Variants in TAFA5 observed in about 807,000 individuals in gnomAD.
TAFA5 encodes TAFA chemokine like family member 5, also known as chemokine-like protein TAFA-5.
TAFA5 carries 6 observed loss-of-function variants against 15.3 expected under a neutral mutation model. The observed-to-expected ratio is 0.39, with a 90% CI of 0.21 to 0.77. The LOEUF is 0.77. Ranked by LOEUF, TAFA5 falls within the 30% of genes least tolerant of loss-of-function variation. The pLI is 0.41. For missense variants in TAFA5, 161 were observed against 193.1 expected (o/e 0.83, Z 0.98); for synonymous variants, 103 against 80.7 (o/e 1.28, Z -1.48).
chr22:48,497,330 C>T (rs1235853361), intron 1 of TAFA5, among the ~76,000 whole-genome samples: 3 of 152,194 alleles, frequency 2.0e-5, no homozygotes, highest in Admixed American at 2.0e-4. Context: ...AGGGATGCTC[C>T]GCAGCCTCGC....
intron 2 of TAFA5, among the ~76,000 whole-genome samples, chr22:48,679,682 G>T (rs112529353): frequency 8.7e-6 from 1 of 114,674 alleles, no homozygotes; most frequent in Non-Finnish European, 1.7e-5. Flanking sequence ...CCGTCTCCCC[G>T]TCCATCCCTC....
intron 2 of TAFA5, among the ~76,000 whole-genome samples, chr22:48,670,706 C>T (rs1322716028): frequency 6.6e-6 from 1 of 152,226 alleles, no homozygotes; most frequent in Non-Finnish European, 1.5e-5. Flanking sequence ...GCCGTCTCAT[C>T]AGGATGTAGG....
chr22:48,642,046 T>C (rs1451213161), intron 1 of TAFA5, among the ~76,000 whole-genome samples: 4 of 151,188 alleles, frequency 2.6e-5, no homozygotes, highest in Admixed American at 2.6e-4. Context: ...AGCAGCATGC[T>C]GAGGGGGGCA....
chr22:48,664,986 G>A (rs1413258060), intron 2 of TAFA5, among the ~76,000 whole-genome samples: 4 of 152,134 alleles, frequency 2.6e-5, no homozygotes, highest in African/African-American at 4.8e-5. Context: ...ACCTAGCCAC[G>A]GTAGGCCCTG....
chr22:48,732,764 A>T (rs1271116205), intron 3 of TAFA5, among the ~76,000 whole-genome samples: 1 of 152,228 alleles, frequency 6.6e-6, no homozygotes, highest in East Asian at 1.9e-4. Context: ...CTTTCATGAA[A>T]GGAGAGTCAA....
intron 1 of TAFA5, chr22:48,576,585 G>A (rs1010363585): frequency 1.0e-5 from 15 of 1,448,428 alleles, no homozygotes; most frequent in East Asian, 8.7e-5. Flanking sequence ...ATTGTCCCCG[G>A]GCGCGCGGAC....
At chr22:48,630,436 C>T (rs1390992440) in intron 1 of TAFA5, among the ~76,000 whole-genome samples, 4 of 152,124 alleles carry the variant, frequency 2.6e-5, no homozygotes, top group East Asian at 1.9e-4. Flanking sequence ...GGCTTTGGGG[C>T]GTGCGTGGCC....
intron 2 of TAFA5, among the ~76,000 whole-genome samples, chr22:48,680,326 A>G (rs1486542382): frequency 1.3e-5 from 2 of 152,262 alleles, no homozygotes; most frequent in Non-Finnish European, 2.9e-5. Flanking sequence ...TTCTCAGAAC[A>G]AAAGATGGAA....
At chr22:48,575,195 C>T (rs1463309815) in intron 1 of TAFA5, among the ~76,000 whole-genome samples, 1 of 152,092 alleles carries the variant, frequency 6.6e-6, no homozygotes, top group African/African-American at 2.4e-5. Flanking sequence ...GCCCCGCGTC[C>T]GGTCTCCCGC....
intron 2 of TAFA5, among the ~76,000 whole-genome samples, chr22:48,651,723 G>A (rs188068232): frequency 3.9e-5 from 6 of 152,308 alleles, no homozygotes; most frequent in African/African-American, 1.4e-4. Context: ...TAGAGTCCAG[G>A]TGTGAAGAAG....
In TAFA5 at chr22:48,598,839, A is replaced by T. The variant is rs1225100099; in HGVS notation, c.113-47758A>T. ...CCAGTGGAACCAAGCGCCAGGTGGT[A>T]CCTGTATTTCCGACTGACTGAATAT... On this transcript the variant is annotated intron_variant, in intron 1 of 3. Coordinates refer to ENST00000402357, the MANE Select transcript of TAFA5 (RefSeq NM_001082967.3). The surrounding 1 kb of genome is among the most constrained non-coding windows in gnomAD (Gnocchi z 4.0). Among the ~76,000 whole-genome samples, 5 of 152,118 alleles carry T rather than the reference A, an allele frequency of 3.3e-5. No homozygotes were observed. In the East Asian group the frequency reaches 9.7e-4, roughly 29 times the overall value.
chr22:48,634,626 C>G (rs775480756), intron 1 of TAFA5, among the ~76,000 whole-genome samples: 4 of 152,150 alleles, frequency 2.6e-5, no homozygotes, highest in Non-Finnish European at 5.9e-5. Flanking sequence ...CTCATTGACA[C>G]ACTCGGTCAT....
intron 1 of TAFA5, among the ~76,000 whole-genome samples, chr22:48,590,017 C>T (rs923444240): frequency 2.2e-5 from 3 of 139,178 alleles, no homozygotes; most frequent in South Asian, 2.3e-4. Flanking sequence ...GTGTGTCACG[C>T]GCACATGCAC....
At chr22:48,563,030 C>T (rs542499715) in intron 1 of TAFA5, among the ~76,000 whole-genome samples, 6 of 152,322 alleles carry the variant, frequency 3.9e-5, no homozygotes, top group South Asian at 2.1e-4. Context: ...TGGACCGAGC[C>T]GCCCGCTTGC....
At chr22:48,517,768 G>A (rs1041579402) in intron 1 of TAFA5, among the ~76,000 whole-genome samples, 25 of 151,862 alleles carry the variant, frequency 1.6e-4, no homozygotes, top group African/African-American at 5.3e-4. Flanking sequence ...CCTGCTTCCC[G>A]GGGCCACCTC....
intron 2 of TAFA5, among the ~76,000 whole-genome samples, chr22:48,675,172 C>T (rs1031830114): frequency 3.9e-5 from 6 of 152,206 alleles, no homozygotes; most frequent in African/African-American, 7.2e-5. Context: ...GAACTCCTGA[C>T]GTCAGGTGAT....
intron 2 of TAFA5, among the ~76,000 whole-genome samples, chr22:48,683,031 T>C (rs1232127978): frequency 2.6e-5 from 4 of 152,334 alleles, no homozygotes; most frequent in South Asian, 4.1e-4. Flanking sequence ...ATTCAGCTAG[T>C]GTTCATGGAA....
chr22:48,720,554 C>T (rs945089235), intron 3 of TAFA5, among the ~76,000 whole-genome samples: 5 of 152,162 alleles, frequency 3.3e-5, no homozygotes, highest in Non-Finnish European at 5.9e-5. Flanking sequence ...GCAAGGTGCT[C>T]ACATCCCACC....
intron 2 of TAFA5, among the ~76,000 whole-genome samples, chr22:48,685,970 C>T (rs887627452): frequency 9.8e-5 from 13 of 132,578 alleles, no homozygotes; most frequent in South Asian, 2.1e-4. Context: ...CGGGAGTACA[C>T]GCAGGCCCCA....
Sources: allele counts gnomAD v4.1 joint callset (sites outside exome capture counted in the v4.1 genomes callset), GRCh38; gene constraint gnomAD v4.1.1; non-coding constraint Gnocchi (gnomAD v3.1); transcripts MANE v1.5; gene names NCBI Gene and HGNC (gene_info 2026-07-23, HGNC 2026-07-21).